Variants in ACTR3C observed in about 807,000 individuals in gnomAD.
ACTR3C encodes the protein actin related protein 3C.
Under a neutral mutation model 26.3 loss-of-function variants are expected in ACTR3C, and 18 were observed. The observed-to-expected ratio is 0.68, with a 90% CI of 0.47 to 1.01. The LOEUF is 1.01. Ranked by LOEUF, ACTR3C falls within the 50% of genes least tolerant of loss-of-function variation. The pLI is 0.00. For synonymous variants in ACTR3C, 55 were observed against 94.5 expected, an observed-to-expected ratio of 0.58 and a Z score of 2.42; for missense variants, 184 against 250.7, an observed-to-expected ratio of 0.73 and a Z score of 1.80.
At chr7:149,956,402 TA>T in the ACTR3C span, among the ~76,000 whole-genome samples, 2 of 150,902 alleles carry the variant, frequency 1.3e-5, no homozygotes, top group South Asian at 2.1e-4. Context: ...CTTTTTAATA[TA>T]AAAAAAGTAA....
At chr7:149,883,893 G>A in the ACTR3C span, among the ~76,000 whole-genome samples, 14 of 152,180 alleles carry the variant, frequency 9.2e-5, no homozygotes, top group East Asian at 2.3e-3. Flanking sequence ...TTCCCGAACC[G>A]TCTTCTGGTT....
chr7:150,259,440 A>G (rs973942809), intron 6 of ACTR3C, among the ~76,000 whole-genome samples: 3 of 152,246 alleles, frequency 2.0e-5, no homozygotes, highest in Admixed American at 6.5e-5. Flanking sequence ...ATTTTTGCCT[A>G]TCAAAGTATT....
the ACTR3C span, among the ~76,000 whole-genome samples, chr7:150,237,067 A>T: frequency 6.6e-6 from 1 of 151,380 alleles, no homozygotes; most frequent in Non-Finnish European, 1.5e-5. Context: ...TGAAGCCCAT[A>T]GTATTTTTAC....
chr7:149,969,886 T>C, the ACTR3C span, among the ~76,000 whole-genome samples: 1 of 152,144 alleles, frequency 6.6e-6, no homozygotes, highest in Admixed American at 6.5e-5. Flanking sequence ...TGACTGAATG[T>C]AATTACGATG....
chr7:150,093,611 C>T, the ACTR3C span, among the ~76,000 whole-genome samples: 1 of 151,002 alleles, frequency 6.6e-6, no homozygotes, highest in South Asian at 2.1e-4. Context: ...CAGGCAGTGG[C>T]CCTGTGTCTC....
the ACTR3C span, among the ~76,000 whole-genome samples, chr7:149,896,613 A>G: frequency 1.3e-5 from 2 of 151,832 alleles, no homozygotes; most frequent in Non-Finnish European, 2.9e-5. Flanking sequence ...CACTTCTAGA[A>G]TTTCATTCTA....
chr7:149,928,385 T>TG, the ACTR3C span, among the ~76,000 whole-genome samples: 1 of 142,712 alleles, frequency 7.0e-6, no homozygotes, highest in African/African-American at 2.7e-5. Flanking sequence ...GTATTTCTTT[T>TG]TTTTTTTTTT....
the ACTR3C span, among the ~76,000 whole-genome samples, chr7:150,034,804 C>T: frequency 6.0e-4 from 89 of 147,452 alleles, 1 homozygote; most frequent in East Asian, 0.017. Flanking sequence ...GCTCTCAGTC[C>T]CCGCCTCGTG....
the ACTR3C span, among the ~76,000 whole-genome samples, chr7:150,113,555 C>CT: frequency 6.6e-6 from 1 of 152,178 alleles, no homozygotes; most frequent in East Asian, 1.9e-4. Context: ...AGTATATATG[C>CT]TTAGTGGAGC....
chr7:149,993,146 GA>G, the ACTR3C span, among the ~76,000 whole-genome samples: 2 of 148,766 alleles, frequency 1.3e-5, no homozygotes, highest in Non-Finnish European at 3.0e-5. Context: ...CCACACTGAG[GA>G]TGGGTCTTCC....
the ACTR3C span, among the ~76,000 whole-genome samples, chr7:149,985,567 C>A: frequency 1.8e-4 from 27 of 152,338 alleles, no homozygotes; most frequent in African/African-American, 6.0e-4. Context: ...GTGGTCGAGC[C>A]GGGAGTGGGC....
chr7:150,165,937 T>C, the ACTR3C span, among the ~76,000 whole-genome samples: 1 of 151,780 alleles, frequency 6.6e-6, no homozygotes, highest in Non-Finnish European at 1.5e-5. Context: ...CTTTCCAAAA[T>C]TGACTTCCTT....
chr7:150,167,094 T>A, the ACTR3C span, among the ~76,000 whole-genome samples: 1 of 144,998 alleles, frequency 6.9e-6, no homozygotes, highest in Non-Finnish European at 1.5e-5. Flanking sequence ...ATATCTTGAC[T>A]ATTGAGAAGA....
intron 6 of ACTR3C, among the ~76,000 whole-genome samples, chr7:150,267,335 T>C (rs533662775): frequency 1.3e-5 from 2 of 152,340 alleles, no homozygotes; most frequent in South Asian, 2.1e-4. Flanking sequence ...ATAAACACTT[T>C]GTAGGTTTTA....
chr7:150,069,442 T>TA, the ACTR3C span, among the ~76,000 whole-genome samples: 1 of 151,980 alleles, frequency 6.6e-6, no homozygotes, highest in Non-Finnish European at 1.5e-5. Flanking sequence ...AGATTAGAAT[T>TA]AAAAAAATAG....
At chr7:150,197,707 T>C in the ACTR3C span, among the ~76,000 whole-genome samples, 1 of 152,246 alleles carries the variant, frequency 6.6e-6, no homozygotes, top group East Asian at 1.9e-4. Context: ...TACTTGGTCC[T>C]ATCACACGGA....
chr7:149,885,332 T>C, the ACTR3C span, among the ~76,000 whole-genome samples: 2 of 152,202 alleles, frequency 1.3e-5, no homozygotes, highest in Non-Finnish European at 2.9e-5. Context: ...CTGGAGCTTC[T>C]GACCAGGAGA....
At chr7:150,253,692 C>T (rs1014760336) in intron 6 of ACTR3C, among the ~76,000 whole-genome samples, 3 of 151,790 alleles carry the variant, frequency 2.0e-5, no homozygotes, top group African/African-American at 7.3e-5. Flanking sequence ...ACAATTTGTA[C>T]TTATAGTTTA....
chr7:150,159,494 A>G, the ACTR3C span, among the ~76,000 whole-genome samples: 3 of 152,134 alleles, frequency 2.0e-5, no homozygotes, highest in Non-Finnish European at 4.4e-5. Context: ...GTCTCTGTCT[A>G]AATTCTCCCT....
Sources: gnomAD v4.1 joint callset for allele counts (sites outside exome capture counted in the v4.1 genomes callset) on GRCh38, gnomAD v4.1.1 for gene constraint, MANE v1.5 for transcripts, NCBI Gene and HGNC (gene_info 2026-07-23, HGNC 2026-07-21) for gene names.